Variants in TLDC2 observed in about 807,000 individuals in gnomAD.
TLDC2 encodes the protein TBC/LysM-associated domain containing 2.
In TLDC2, 23 loss-of-function variants were observed where a neutral mutation model predicts 27.9. That is an observed-to-expected ratio of 0.82 (90% CI 0.59 to 1.17). The LOEUF (loss-of-function observed/expected upper bound fraction) is 1.17. Among genes scored for constraint, TLDC2 ranks in the 50% most tolerant of loss-of-function variants. The pLI is 0.00. For missense variants in TLDC2, 286 were observed against 273.4 expected (o/e 1.05, Z -0.32); for synonymous variants, 124 against 107.4 (o/e 1.16, Z -0.96).
At chr20:36,878,262 C>G (rs1989720056) in intron 2 of TLDC2, among the ~76,000 whole-genome samples, 1 of 152,160 alleles carries the variant, frequency 6.6e-6, no homozygotes, top group South Asian at 2.1e-4. Context: ...TCCCTCTACA[C>G]TGGGCCAGGA....
In TLDC2 at chr20:36,892,922, C is replaced by T. The variant is rs1370025792; in HGVS notation, c.*78C>T. On this transcript the variant is annotated 3_prime_UTR_variant, in exon 7 of 7. Transcript: ENST00000217320. ...GGAGAGGGAGTTTGTAAACAACTGA[C>T]TACAGACATTCACATTGGGTCATCT... is the stretch of plus-strand genomic sequence containing the variant. 6.2e-7 allele frequency: 1 copy of T among 1,613,800 alleles called. No individual in the cohort carries two copies. The highest frequency in any genetic ancestry group is 8.5e-7 in the Non-Finnish European group (1 of 1,180,028).
chr20:36,883,303 A>C (rs999331711), intron 4 of TLDC2, among the ~76,000 whole-genome samples: 9 of 151,702 alleles, frequency 5.9e-5, no homozygotes, highest in African/African-American at 2.2e-4. Context: ...TGCCTGGCTG[A>C]TTTTTGTATT....
rs1241295203 is a variant in TLDC2, at chr20:36,893,099, A to G, written c.*255A>G. 5 of 1,609,132 alleles carry G rather than the reference A, an allele frequency of 3.1e-6. No individual in the cohort carries two copies. The African/African-American group carries it at 4.0e-5, about 13-fold the overall frequency. On this transcript the variant is annotated 3_prime_UTR_variant, in exon 7 of 7. Transcript: ENST00000217320. The stretch of plus-strand genomic sequence containing the variant: ...GAAGAGAGAGAAAAACAGGCAATAG[A>G]GAAAAGCCAGTTTCCATCATCTTAT...
chr20:36,885,516 G>A (rs77721170), intron 4 of TLDC2, among the ~76,000 whole-genome samples: 3 of 152,266 alleles, frequency 2.0e-5, no homozygotes, highest in African/African-American at 4.8e-5. Context: ...CCACAGCAAC[G>A]TGTATCTTAC....
At position 36,893,315 on chromosome 20, in the gene TLDC2, A is replaced by AGTGG; in HGVS notation, c.*471_*472insGTGG. On this transcript the variant is annotated 3_prime_UTR_variant, in exon 7 of 7. Transcript: ENST00000217320. ...CTCTGCAGAGATGACTGGGAGCAGCATACCACTGCCCACCTCTATGGCCTC... is the reference window on the plus strand; with the variant it reads ...CTCTGCAGAGATGACTGGGAGCAGCAGTGGTACCACTGCCCACCTCTATGGCCTC... The AGTGG allele has an allele frequency of 1.8e-6, 1 of 557,094 alleles. No homozygotes were observed. The highest frequency in any genetic ancestry group is 2.0e-5 in the South Asian group (1 of 49,408). 34.5% of individuals were successfully genotyped at this position (557,094 alleles called of 1,614,324 possible).
At chr20:36,882,362 C>A (rs923971148) in intron 4 of TLDC2, among the ~76,000 whole-genome samples, 1 of 151,470 alleles carries the variant, frequency 6.6e-6, no homozygotes, top group Non-Finnish European at 1.5e-5. Context: ...GGCAACAGAG[C>A]AAGATGCCAT....
At chr20:36,892,737 G>A in intron 6 of TLDC2, 125 bp from the exon 7 acceptor site, 2 of 698,716 alleles carry the variant, frequency 2.9e-6, no homozygotes, top group Admixed American at 4.8e-5. Context: ...GCAAGGTAAT[G>A]CTTTTCATAG....
chr20:36,885,399 G>GTTAATTCT (rs1989901000), intron 4 of TLDC2, among the ~76,000 whole-genome samples: 1 of 152,152 alleles, frequency 6.6e-6, no homozygotes, highest in African/African-American at 2.4e-5. Context: ...TAAAAAATTG[G>GTTAATTCT]TTAATTCTTG....
At chr20:36,888,626 A>G (rs1989979794) in intron 5 of TLDC2, among the ~76,000 whole-genome samples, 1 of 145,434 alleles carries the variant, frequency 6.9e-6, no homozygotes, top group Non-Finnish European at 1.5e-5. Flanking sequence ...GAATGGTGTG[A>G]ACCCGGGAGG....
At chr20:36,891,583 T>G (rs966270006) in intron 6 of TLDC2, 1 of 152,288 alleles carries the variant, frequency 6.6e-6, no homozygotes. Flanking sequence ...ACAGGGGCAC[T>G]GCCCCACCAA....
rs1214557404 is a variant in TLDC2 at position 36,893,723 on chromosome 20, G to A, written c.*879G>A. On this transcript the variant is annotated 3_prime_UTR_variant, in exon 7 of 7. Coordinates refer to ENST00000217320, the MANE Select transcript of TLDC2 (RefSeq NM_080628.3). Reference sequence around the variant, plus strand: ...CTTCTTTGGTTACAAGATGATGCACGATCTTGGAGAGCCTCTGTTGTACCA... The same window carrying A: ...CTTCTTTGGTTACAAGATGATGCACAATCTTGGAGAGCCTCTGTTGTACCA... 1.8e-5 allele frequency: 7 copies of A among 394,362 alleles called. No individual in the cohort carries two copies. The highest frequency in any genetic ancestry group is 3.1e-5 in the Non-Finnish European group (7 of 224,250). The allele number at this position is 394,362 out of a possible 1,614,324, so 24.4% of individuals were successfully genotyped here. A position where few individuals can be genotyped will look rare whatever the true frequency, so the allele number is the denominator to read the frequency against.
intron 6 of TLDC2, chr20:36,889,757 C>T (rs2148349562): frequency 5.9e-6 from 1 of 169,206 alleles, no homozygotes; most frequent in East Asian, 1.6e-4. Context: ...GAAAACCAAC[C>T]TCATGAACAT....
chr20:36,885,842 TATAA>T (rs1424237798), intron 4 of TLDC2, among the ~76,000 whole-genome samples: 5 of 152,152 alleles, frequency 3.3e-5, no homozygotes, highest in African/African-American at 9.7e-5. Flanking sequence ...ACGTCCTTAA[TATAA>T]ATAAATAAAG....
chr20:36,886,420 C>T (rs115579156), intron 4 of TLDC2, among the ~76,000 whole-genome samples: 10,075 of 152,204 alleles, frequency 0.066, 404 homozygotes, highest in Non-Finnish European at 0.086. Context: ...ATGGTGAAAC[C>T]TGTTTCTACT....
At position 36,878,070 on chromosome 20, in the gene TLDC2, A is replaced by G. The variant is rs776807844; in HGVS notation, c.189+16A>G. The G allele has an allele frequency of 5.0e-6, 8 of 1,604,534 alleles. No homozygotes were observed. The South Asian group carries it at 5.6e-5, about 11-fold the overall frequency. On this transcript the variant is annotated intron_variant, in intron 2 of 6. Transcript: ENST00000217320. ...GATTCGGCAGGTCTGGGCATTGCCC[A>G]TGGCACAAGAATTTCAGCCCTAAAC...
At chr20:36,887,622 T>G in intron 5 of TLDC2, 94 bp downstream of exon 5, 2 of 1,214,576 alleles carry the variant, frequency 1.6e-6, no homozygotes, top group Non-Finnish European at 2.4e-6. Flanking sequence ...CTTGATGCAA[T>G]GGCGAGGCTA....
At chr20:36,882,575 G>A (rs913571781) in intron 4 of TLDC2, among the ~76,000 whole-genome samples, 2 of 152,114 alleles carry the variant, frequency 1.3e-5, no homozygotes, top group Admixed American at 1.3e-4. Context: ...GTCGTTCCAG[G>A]TATTCTGCTA....
intron 4 of TLDC2, 48 bp downstream of exon 4, chr20:36,880,798 A>G: frequency 1.9e-6 from 3 of 1,573,460 alleles, no homozygotes; most frequent in Non-Finnish European, 1.7e-6. Flanking sequence ...GTGGCGAGAC[A>G]AAGCTCCCGG....
intron 1 of TLDC2, 121 bp downstream of exon 1, chr20:36,876,328 C>T (rs1989666676): frequency 7.5e-7 from 1 of 1,335,638 alleles, no homozygotes; most frequent in East Asian, 2.3e-5. Context: ...TCTCAAGTCC[C>T]TCCCTGGCAG....
Sources: allele counts gnomAD v4.1 joint callset (sites outside exome capture counted in the v4.1 genomes callset), GRCh38; gene constraint gnomAD v4.1.1; transcripts MANE v1.5; gene names NCBI Gene and HGNC (gene_info 2026-07-23, HGNC 2026-07-21).